The following ITGA11 variants were observed in gnomAD, a reference collection of about 807,000 sequenced individuals.
ITGA11 encodes the protein integrin alpha-11.
A neutral mutation model predicts 141.9 loss-of-function variants in ITGA11; 97 were observed. The ratio of observed to expected loss-of-function variants is 0.68; its 90% CI spans 0.58 to 0.81. ITGA11 has a LOEUF of 0.81. Ranked by LOEUF, ITGA11 falls within the 30% of genes least tolerant of loss-of-function variation. The probability of loss-of-function intolerance (pLI) is 0.00; values close to 1 mark genes in which losing one functional copy is unlikely to be tolerated. For missense variants in ITGA11, 1,387 were observed against 1,559.2 expected, an observed-to-expected ratio of 0.89 and a Z score of 1.86; for synonymous variants, 658 against 624.6, an observed-to-expected ratio of 1.05 and a Z score of -0.80.
Position 68,369,174 on chromosome 15 carries a change from C to T in ITGA11, c.265+10G>A, listed in dbSNP as rs768881508. On this transcript the variant is annotated intron_variant, in intron 3 of 29. Transcript: ENST00000315757. ...GGCCTCATTGTGAAGAGACCACCAG[C>T]CCACGTTACCCAGGTTGAGTTTGGT... 2.5e-6 allele frequency: 4 copies of T among 1,603,214 alleles called. No homozygotes were observed. The East Asian group carries it at 6.7e-5, about 27-fold the overall frequency.
At chr15:68,370,658 G>A (rs939846466) in intron 2 of ITGA11, among the ~76,000 whole-genome samples, 3 of 152,232 alleles carry the variant, frequency 2.0e-5, no homozygotes, top group Admixed American at 6.5e-5. Flanking sequence ...GTGTGTGGGA[G>A]GGGACACCAC....
In ITGA11 at chr15:68,303,746, C is replaced by A; in HGVS notation, c.3495+26G>T. ...GGGCCCACCAGCCAGGATGCTGCTC[C>A]TTCCCTCCCCTGCCAGGGCCCTCAC... On this transcript the variant is annotated intron_variant, in intron 29 of 29. Transcript: ENST00000315757. The surrounding 1 kb of genome is among the most constrained non-coding windows in gnomAD (Gnocchi z 5.3). The A allele has an allele frequency of 6.6e-7, 1 of 1,525,118 alleles. No homozygotes were observed. The highest frequency in any genetic ancestry group is 2.3e-5 in the East Asian group (1 of 43,940). 94.5% of individuals were successfully genotyped at this position (1,525,118 alleles called of 1,614,324 possible). A position where few individuals can be genotyped will look rare whatever the true frequency, so the allele number is the denominator to read the frequency against.
intron 2 of ITGA11, among the ~76,000 whole-genome samples, chr15:68,371,073 T>G (rs1895575243): frequency 6.6e-6 from 1 of 152,222 alleles, no homozygotes; most frequent in East Asian, 1.9e-4. Flanking sequence ...ATATATCCCC[T>G]TATTAAGCCC....
intron 1 of ITGA11, among the ~76,000 whole-genome samples, chr15:68,406,153 A>AC (rs1595894571): frequency 6.6e-6 from 1 of 152,004 alleles, no homozygotes; most frequent in African/African-American, 2.4e-5. Context: ...GGCCTTGTCC[A>AC]CCCCAAGCCC....
intron 10 of ITGA11, among the ~76,000 whole-genome samples, chr15:68,342,198 G>A (rs12912832): frequency 0.13 from 20,522 of 152,238 alleles, 1,452 homozygotes; most frequent in Non-Finnish European, 0.16. Context: ...GGGAAGTCAG[G>A]CACGTGGGCC....
chr15:68,401,135 T>C (rs1896498760), intron 2 of ITGA11, among the ~76,000 whole-genome samples: 2 of 150,112 alleles, frequency 1.3e-5, no homozygotes, highest in African/African-American at 4.9e-5. Context: ...AATAGAGAAA[T>C]GCAAATTAAA....
Position 68,335,965 on chromosome 15 carries a change from G to T in ITGA11, c.1277-120C>A. 1 of 1,186,028 alleles carries T rather than the reference G, an allele frequency of 8.4e-7. No individual in the cohort carries two copies. Among genetic ancestry groups the T allele is most frequent in the Non-Finnish European group, 1.2e-6 (1 of 842,990 alleles). The allele number at this position is 1,186,028 out of a possible 1,614,324, so 73.5% of individuals were successfully genotyped here. On this transcript the variant is annotated intron_variant, in intron 11 of 29. Coordinates refer to ENST00000315757, the MANE Select transcript of ITGA11 (RefSeq NM_001004439.2). This position sits in a 1 kb window ranked among gnomAD's most constrained non-coding sequence, Gnocchi z 4.9. The stretch of plus-strand genomic sequence containing the variant: ...CAGTGATGGGGTAGGTTCAGGGCTA[G>T]CTGAGCAGATTCAATCACGCAGGGC...
At chr15:68,316,411 T>G (rs919542946) in intron 21 of ITGA11, among the ~76,000 whole-genome samples, 37 of 152,346 alleles carry the variant, frequency 2.4e-4, no homozygotes, top group African/African-American at 8.4e-4. Flanking sequence ...CTCCCTGGTC[T>G]CACCCTCACG....
rs1893860049 is a variant in ITGA11 at position 68,322,999 on chromosome 15, G to T, written c.2323-1496C>A. ...AGCCTGGAGCTGAGGGGCAGTAACT[G>T]TCACTACCGACAACACAGCCCAAAC... On this transcript the variant is annotated intron_variant, in intron 18 of 29. Coordinates refer to ENST00000315757, the MANE Select transcript of ITGA11 (RefSeq NM_001004439.2). This position sits in a 1 kb window ranked among gnomAD's most constrained non-coding sequence, Gnocchi z 5.6. Among the ~76,000 whole-genome samples, 1 of 152,214 alleles carries T rather than the reference G, an allele frequency of 6.6e-6. No individual in the cohort carries two copies. Among genetic ancestry groups the T allele is most frequent in the Non-Finnish European group, 1.5e-5 (1 of 68,030 alleles).
In ITGA11 at chr15:68,313,661, G is replaced by A. The variant is rs1046453375; in HGVS notation, c.2882+118C>T. The A allele has an allele frequency of 1.9e-5, 14 of 728,938 alleles. No individual in the cohort carries two copies. The Admixed American group carries it at 3.3e-4, about 17-fold the overall frequency. The allele number at this position is 728,938 out of a possible 1,614,324, so 45.2% of individuals were successfully genotyped here. A position where few individuals can be genotyped will look rare whatever the true frequency, so the allele number is the denominator to read the frequency against. On this transcript the variant is annotated intron_variant, in intron 23 of 29. Coordinates refer to ENST00000315757, the MANE Select transcript of ITGA11 (RefSeq NM_001004439.2). ...AGGGACACTCTTGGCTCCATCCATA[G>A]TCCCTTAGTGCTGGGGTCTGGCCCT...
chr15:68,402,826 C>T, intron 2 of ITGA11, 92 bp downstream of exon 2: 3 of 817,204 alleles, frequency 3.7e-6, no homozygotes, highest in Non-Finnish European at 6.1e-6. Context: ...CATGTGAGGG[C>T]CAGTGGGGCA....
chr15:68,412,169 G>GC (rs1257111523), intron 1 of ITGA11, among the ~76,000 whole-genome samples: 15 of 152,304 alleles, frequency 9.8e-5, no homozygotes, highest in African/African-American at 3.6e-4. Context: ...TAGCTCTTAA[G>GC]TGATGGACCA....
At chr15:68,337,824 G>GC (rs1164212690) in intron 11 of ITGA11, among the ~76,000 whole-genome samples, 1 of 152,074 alleles carries the variant, frequency 6.6e-6, no homozygotes, top group Non-Finnish European at 1.5e-5. Context: ...TCCCACTTCT[G>GC]CCCCCTGCTC....
chr15:68,332,863 G>GTT, intron 12 of ITGA11, among the ~76,000 whole-genome samples: 1 of 152,090 alleles, frequency 6.6e-6, no homozygotes, highest in South Asian at 2.1e-4. Context: ...TTTTATTCTA[G>GTT]TTTTTTTCCC....
At chr15:68,312,031 CA>C (rs1433529477) in intron 24 of ITGA11, among the ~76,000 whole-genome samples, 2 of 152,198 alleles carry the variant, frequency 1.3e-5, no homozygotes, top group Non-Finnish European at 2.9e-5. Flanking sequence ...GTCCAGTATC[CA>C]GCTGTCAGCT....
intron 2 of ITGA11, among the ~76,000 whole-genome samples, 165 bp from the exon 3 acceptor site, chr15:68,369,449 C>A (rs1422952881): frequency 6.6e-6 from 1 of 152,140 alleles, no homozygotes; most frequent in Non-Finnish European, 1.5e-5. Flanking sequence ...CACTGTCTCC[C>A]TGAGGGAGGG....
At chr15:68,364,673 C>T in intron 4 of ITGA11, 34 bp downstream of exon 4, 2 of 1,427,472 alleles carry the variant, frequency 1.4e-6, no homozygotes, top group Non-Finnish European at 2.0e-6. Flanking sequence ...ACCCCTGCCT[C>T]TCCTGACCCC....
At chr15:68,390,883 C>T (rs1182720641) in intron 2 of ITGA11, among the ~76,000 whole-genome samples, 1 of 152,234 alleles carries the variant, frequency 6.6e-6, no homozygotes, top group Non-Finnish European at 1.5e-5. Flanking sequence ...GCACTTCAAA[C>T]CTTTGCTCCT....
intron 1 of ITGA11, among the ~76,000 whole-genome samples, chr15:68,423,427 G>A (rs1897065970): frequency 6.6e-6 from 1 of 152,190 alleles, no homozygotes; most frequent in Admixed American, 6.5e-5. Context: ...AACAACAGGA[G>A]TGAAGGCCAG....
Sources: allele counts gnomAD v4.1 joint callset (sites outside exome capture counted in the v4.1 genomes callset), GRCh38; gene constraint gnomAD v4.1.1; non-coding constraint Gnocchi (gnomAD v3.1); transcripts MANE v1.5; gene names NCBI Gene and HGNC (gene_info 2026-07-23, HGNC 2026-07-21).